Variants in MSRA observed in about 807,000 individuals in gnomAD.
The protein encoded by MSRA is mitochondrial peptide methionine sulfoxide reductase.
In MSRA, 54 loss-of-function variants were observed where a neutral mutation model predicts 31.3. That is an observed-to-expected ratio of 1.73 (90% confidence interval 1.39 to 2.17). MSRA has a LOEUF of 2.17. MSRA is among the 30% of genes most tolerant of loss of function. The probability of loss-of-function intolerance (pLI) is 0.00; values close to 1 mark genes in which losing one functional copy is unlikely to be tolerated. For synonymous variants in MSRA, 169 were observed against 116.5 expected, an observed-to-expected ratio of 1.45 and a Z score of -2.90; for missense variants, 507 against 300.9, an observed-to-expected ratio of 1.69 and a Z score of -5.07.
At chr8:10,122,696 A>C (rs1801215477) in intron 1 of MSRA, among the ~76,000 whole-genome samples, 1 of 151,596 alleles carries the variant, frequency 6.6e-6, no homozygotes. Context: ...TGCCCTCTAC[A>C]CTCAAGGAGG....
chr8:10,100,426 G>A (rs1799456658), intron 1 of MSRA, among the ~76,000 whole-genome samples: 1 of 152,078 alleles, frequency 6.6e-6, no homozygotes, highest in African/African-American at 2.4e-5. Context: ...GAGGTCCTGG[G>A]GTGCATACAG....
At chr8:10,355,020 T>G (rs75077659) in intron 5 of MSRA, among the ~76,000 whole-genome samples, 74 of 152,334 alleles carry the variant, frequency 4.9e-4, no homozygotes, top group African/African-American at 1.8e-3. Context: ...GTGCAAACTT[T>G]ATGGCTTTTG....
At chr8:10,421,619 C>T (rs1311774791) in intron 5 of MSRA, among the ~76,000 whole-genome samples, 2 of 152,166 alleles carry the variant, frequency 1.3e-5, no homozygotes, top group African/African-American at 2.4e-5. Flanking sequence ...ATGTTCATTA[C>T]ATTTATTACC....
intron 1 of MSRA, among the ~76,000 whole-genome samples, chr8:10,095,119 G>C (rs1385427139): frequency 6.6e-6 from 1 of 152,208 alleles, no homozygotes; most frequent in Non-Finnish European, 1.5e-5. Context: ...TCTCCCATGA[G>C]TCTTTGCGGC....
At chr8:10,386,887 A>C (rs2129177281) in intron 5 of MSRA, among the ~76,000 whole-genome samples, 1 of 152,070 alleles carries the variant, frequency 6.6e-6, no homozygotes, top group Non-Finnish European at 1.5e-5. Flanking sequence ...AAAAAAAAAA[A>C]AAAAACAGTC....
chr8:10,102,698 G>C (rs1388846498), intron 1 of MSRA, among the ~76,000 whole-genome samples: 1 of 152,122 alleles, frequency 6.6e-6, no homozygotes, highest in East Asian at 1.9e-4. Flanking sequence ...TATGCTATGA[G>C]ACTGGATTTT....
intron 3 of MSRA, among the ~76,000 whole-genome samples, chr8:10,274,947 T>C (rs1269982502): frequency 1.3e-5 from 2 of 152,198 alleles, no homozygotes; most frequent in Non-Finnish European, 2.9e-5. Flanking sequence ...CTCAGTAAAG[T>C]TATTTCACTC....
intron 3 of MSRA, among the ~76,000 whole-genome samples, chr8:10,300,255 CT>C (rs1175230664): frequency 6.6e-6 from 1 of 151,558 alleles, no homozygotes; most frequent in African/African-American, 2.4e-5. Flanking sequence ...TTTCTTTTTT[CT>C]TTCTTTTTTT....
At chr8:10,081,887 G>C (rs1340762679) in intron 1 of MSRA, among the ~76,000 whole-genome samples, 1 of 152,172 alleles carries the variant, frequency 6.6e-6, no homozygotes, top group African/African-American at 2.4e-5. Context: ...TACCCCCTCT[G>C]CTGACTCTTG....
intron 5 of MSRA, among the ~76,000 whole-genome samples, chr8:10,376,956 G>A (rs185542655): frequency 2.6e-4 from 40 of 152,320 alleles, no homozygotes; most frequent in African/African-American, 9.4e-4. Flanking sequence ...AAGCGGGGAA[G>A]GGATCAAGAG....
At chr8:10,288,308 G>T (rs553732619) in intron 3 of MSRA, among the ~76,000 whole-genome samples, 1 of 151,962 alleles carries the variant, frequency 6.6e-6, no homozygotes, top group African/African-American at 2.4e-5. Context: ...TTTAGAAGCC[G>T]TAGCCATTTT....
intron 5 of MSRA, among the ~76,000 whole-genome samples, chr8:10,387,300 G>C (rs1806454923): frequency 6.6e-6 from 1 of 152,226 alleles, no homozygotes; most frequent in African/African-American, 2.4e-5. Context: ...TGTGTGAATA[G>C]TTGTCATTTT....
chr8:10,176,176 A>G (rs760645244), intron 1 of MSRA, among the ~76,000 whole-genome samples: 1 of 152,200 alleles, frequency 6.6e-6, no homozygotes, highest in Non-Finnish European at 1.5e-5. Flanking sequence ...TCTCTTTGCC[A>G]TATGTTAAAA....
At chr8:10,126,105 C>T (rs1801478109) in intron 1 of MSRA, among the ~76,000 whole-genome samples, 1 of 152,162 alleles carries the variant, frequency 6.6e-6, no homozygotes, top group African/African-American at 2.4e-5. Flanking sequence ...GGAGGACTAT[C>T]CCCTGGGTAA....
chr8:10,174,896 C>G (rs1057429336), intron 1 of MSRA, among the ~76,000 whole-genome samples: 2 of 152,138 alleles, frequency 1.3e-5, no homozygotes, highest in African/African-American at 4.8e-5. Flanking sequence ...GTCAATAGAT[C>G]TCATCTCCCC....
chr8:10,064,848 T>C (rs954668378), intron 1 of MSRA, among the ~76,000 whole-genome samples: 2 of 152,138 alleles, frequency 1.3e-5, no homozygotes, highest in Non-Finnish European at 2.9e-5. Context: ...TTTTAACAGA[T>C]TGTACCCAGA....
intron 1 of MSRA, among the ~76,000 whole-genome samples, chr8:10,152,241 A>T (rs1803747959): frequency 6.6e-6 from 1 of 152,250 alleles, no homozygotes; most frequent in Non-Finnish European, 1.5e-5. Flanking sequence ...GTGTGTATCT[A>T]AAAACATATA....
chr8:10,141,071 C>G (rs954921975), intron 1 of MSRA, among the ~76,000 whole-genome samples: 5 of 152,160 alleles, frequency 3.3e-5, no homozygotes, highest in African/African-American at 9.7e-5. Flanking sequence ...TGTAGAGGGC[C>G]TGTTCTGTCC....
intron 1 of MSRA, among the ~76,000 whole-genome samples, chr8:10,189,433 C>G (rs1807329842): frequency 6.6e-6 from 1 of 152,110 alleles, no homozygotes; most frequent in Non-Finnish European, 1.5e-5. Context: ...TAATTTAAGG[C>G]TGAGAACGTT....
Sources: gnomAD v4.1 joint callset for allele counts (sites outside exome capture counted in the v4.1 genomes callset) on GRCh38, gnomAD v4.1.1 for gene constraint, MANE v1.5 for transcripts, NCBI Gene and HGNC (gene_info 2026-07-23, HGNC 2026-07-21) for gene names.